Variants in TRAPPC12 observed in about 807,000 individuals in gnomAD.
TRAPPC12 encodes the protein TPR repeat protein 15.
In TRAPPC12, 61 loss-of-function variants were observed where a neutral mutation model predicts 69.2. The ratio of observed to expected loss-of-function variants is 0.88; its 90% CI spans 0.72 to 1.09. TRAPPC12 has a LOEUF of 1.09. Among genes scored for constraint, TRAPPC12 ranks in the 50% least tolerant of loss-of-function variants. The probability of loss-of-function intolerance (pLI) is 0.00; values close to 1 mark genes in which losing one functional copy is unlikely to be tolerated. For synonymous variants in TRAPPC12, 469 were observed against 438.9 expected (o/e 1.07, Z -0.86); for missense variants, 1,101 against 1,016.4 (o/e 1.08, Z -1.13).
chr2:3,473,243 G>A (rs13429373), intron 9 of TRAPPC12, among the ~76,000 whole-genome samples: 39,195 of 152,036 alleles, frequency 0.26, 5,193 homozygotes, highest in East Asian at 0.4. Context: ...GCTCACGCCG[G>A]GACGGGAAGA....
intron 2 of TRAPPC12, among the ~76,000 whole-genome samples, chr2:3,394,133 C>T (rs1660983595): frequency 6.6e-6 from 1 of 152,138 alleles, no homozygotes; most frequent in Admixed American, 6.5e-5. Context: ...TGCTGTCTTC[C>T]AGCCATCTGG....
At chr2:3,445,785 G>A (rs937661956) in intron 6 of TRAPPC12, among the ~76,000 whole-genome samples, 1 of 152,234 alleles carries the variant, frequency 6.6e-6, no homozygotes, top group African/African-American at 2.4e-5. Flanking sequence ...AGGACCGAGA[G>A]TCCTCTCTTC....
intron 8 of TRAPPC12, among the ~76,000 whole-genome samples, chr2:3,461,133 A>G (rs1665472838): frequency 6.6e-6 from 1 of 152,224 alleles, no homozygotes; most frequent in South Asian, 2.1e-4. Context: ...CTTGATTTTC[A>G]GCAAGGCAGA....
At chr2:3,477,343 T>C (rs770156681) in intron 9 of TRAPPC12, among the ~76,000 whole-genome samples, 3 of 152,274 alleles carry the variant, frequency 2.0e-5, no homozygotes, top group Non-Finnish European at 4.4e-5. Context: ...CCTGCTCATA[T>C]TATACCAATA....
intron 9 of TRAPPC12, among the ~76,000 whole-genome samples, chr2:3,475,390 G>C (rs890642770): frequency 6.6e-6 from 1 of 151,832 alleles, no homozygotes; most frequent in Non-Finnish European, 1.5e-5. Flanking sequence ...TGAGATTACA[G>C]GTGTGAGCCA....
intron 3 of TRAPPC12, among the ~76,000 whole-genome samples, chr2:3,412,515 C>T (rs956753782): frequency 6.6e-6 from 1 of 152,092 alleles, no homozygotes; most frequent in Non-Finnish European, 1.5e-5. Context: ...GAGCCAAGAT[C>T]GCGCCACCGC....
intron 3 of TRAPPC12, among the ~76,000 whole-genome samples, chr2:3,405,274 A>T (rs553016372): frequency 6.6e-6 from 1 of 152,246 alleles, no homozygotes; most frequent in African/African-American, 2.4e-5. Flanking sequence ...GAACACTAAG[A>T]TCTACAAAGG....
intron 1 of TRAPPC12, among the ~76,000 whole-genome samples, chr2:3,383,075 A>G (rs1361026529): frequency 6.6e-6 from 1 of 152,214 alleles, no homozygotes; most frequent in Non-Finnish European, 1.5e-5. Flanking sequence ...GTGGTTTCTC[A>G]ACATGGATGT....
rs1665299422 is a variant in TRAPPC12, at chr2:3,458,427, C to G, written c.1603+734C>G. The G allele has an allele frequency of 3.0e-6, 3 of 985,916 alleles. No homozygotes were observed. The African/African-American group carries it at 5.2e-5, about 17-fold the overall frequency. The allele number at this position is 985,916 out of a possible 1,614,324, so 61.1% of individuals were successfully genotyped here. A position where few individuals can be genotyped will look rare whatever the true frequency, so the allele number is the denominator to read the frequency against. ...AGCTTCTGTCCTACTCGATGTGCAGCCCAAGTCAAGATCGGGTGGTCTCCG... is the reference window on the plus strand; with the variant it reads ...AGCTTCTGTCCTACTCGATGTGCAGGCCAAGTCAAGATCGGGTGGTCTCCG... On this transcript the variant is annotated intron_variant, in intron 7 of 11. Transcript: ENST00000324266.
At chr2:3,478,057 C>G in intron 10 of TRAPPC12, 1 of 312,486 alleles carries the variant, frequency 3.2e-6, no homozygotes, top group South Asian at 8.9e-5. Flanking sequence ...CCGTTTTCAG[C>G]GTATGTGTGT....
At chr2:3,406,907 C>T (rs185209071) in intron 3 of TRAPPC12, among the ~76,000 whole-genome samples, 72 of 152,274 alleles carry the variant, frequency 4.7e-4, no homozygotes, top group Middle Eastern at 3.4e-3. Context: ...GTGTTTCATA[C>T]GTTGGAAATA....
chr2:3,441,941 C>T (rs1248163820), intron 5 of TRAPPC12, among the ~76,000 whole-genome samples: 1 of 152,180 alleles, frequency 6.6e-6, no homozygotes, highest in Non-Finnish European at 1.5e-5. Flanking sequence ...TCCAGAAGCA[C>T]CCCCATGTCC....
chr2:3,401,805 G>C lies in TRAPPC12; in HGVS notation c.1076G>C (p.Arg359Pro). The change falls in exon 3 of 12, where the codon CGC becomes CCC. Residue 359 changes from arginine to proline, a missense_variant. By Grantham distance (103) the Arg-to-Pro change is moderately radical (BLOSUM62 -2). Transcript: ENST00000324266. ...GATGCAGTTAAAGACTTGATGCTTC[G>C]CTTTCTGGGTGAAAAAGCTGCAGCA... is the stretch of plus-strand genomic sequence containing the variant. ...QGDAVKDLML[R>P]FLGEKAAAKR... 2 of 1,595,432 alleles carry C rather than the reference G, an allele frequency of 1.3e-6. No homozygotes were observed. The highest frequency in any genetic ancestry group is 1.7e-6 in the Non-Finnish European group (2 of 1,173,278).
At chr2:3,438,303 C>CA (rs1285214380) in intron 5 of TRAPPC12, among the ~76,000 whole-genome samples, 33 of 124,668 alleles carry the variant, frequency 2.6e-4, no homozygotes, top group African/African-American at 1.0e-3. Flanking sequence ...GATTAACCCC[C>CA]ATCACCCCTG....
intron 9 of TRAPPC12, among the ~76,000 whole-genome samples, chr2:3,469,395 T>G (rs1665964566): frequency 6.6e-6 from 1 of 152,234 alleles, no homozygotes; most frequent in African/African-American, 2.4e-5. Flanking sequence ...GGTAAAATAA[T>G]ACTGCAGGTG....
intron 5 of TRAPPC12, among the ~76,000 whole-genome samples, chr2:3,434,095 A>G (rs1289519208): frequency 6.6e-6 from 1 of 152,222 alleles, no homozygotes; most frequent in Non-Finnish European, 1.5e-5. Flanking sequence ...CATTTACTTA[A>G]GAACAAAAGT....
chr2:3,405,323 T>C (rs1661670094), intron 3 of TRAPPC12, among the ~76,000 whole-genome samples: 1 of 152,130 alleles, frequency 6.6e-6, no homozygotes, highest in Admixed American at 6.5e-5. Flanking sequence ...TTGCTCCTGT[T>C]ACCAGTACCA....
At chr2:3,423,451 A>C (rs949679669) in intron 4 of TRAPPC12, among the ~76,000 whole-genome samples, 5 of 151,796 alleles carry the variant, frequency 3.3e-5, no homozygotes, top group African/African-American at 9.7e-5. Context: ...TCCTTGCGTC[A>C]CTGGATTTTG....
chr2:3,474,172 G>T, intron 9 of TRAPPC12, among the ~76,000 whole-genome samples: 1 of 152,210 alleles, frequency 6.6e-6, no homozygotes, highest in East Asian at 1.9e-4. Context: ...TATTAGTTGG[G>T]GCTCTCTAGA....
Sources: gnomAD v4.1 joint callset for allele counts (sites outside exome capture counted in the v4.1 genomes callset) on GRCh38, gnomAD v4.1.1 for gene constraint, MANE v1.5 for transcripts, NCBI Gene and HGNC (gene_info 2026-07-23, HGNC 2026-07-21) for gene names.